Variants in CACNB2 observed in about 807,000 individuals in gnomAD.
CACNB2 encodes the protein voltage-dependent L-type calcium channel subunit beta-2.
CACNB2 carries 42 observed loss-of-function variants against 73.3 expected under a neutral mutation model. The ratio of observed to expected loss-of-function variants is 0.57; its 90% CI spans 0.45 to 0.74. The LOEUF is 0.74. CACNB2 is among the 30% of genes least tolerant of loss of function. CACNB2 has a pLI of 0.00. For synonymous variants in CACNB2, 348 were observed against 310.3 expected (o/e 1.12, Z -1.28); for missense variants, 940 against 853.0 (o/e 1.10, Z -1.27).
chr10:18,405,636 C>T (rs564974116), intron 3 of CACNB2, among the ~76,000 whole-genome samples: 1 of 152,186 alleles, frequency 6.6e-6, no homozygotes, highest in African/African-American at 2.4e-5. Context: ...GTTGGGAAAT[C>T]TGGATGTAGA....
At chr10:18,325,935 T>G (rs60859849) in intron 2 of CACNB2, among the ~76,000 whole-genome samples, 36,769 of 151,596 alleles carry the variant, frequency 0.24, 4,855 homozygotes, top group African/African-American at 0.34. Context: ...TGTAGAGATG[T>G]AATTCCTCCA....
At chr10:18,517,727 G>A (rs1369730201) in intron 7 of CACNB2, among the ~76,000 whole-genome samples, 1 of 152,070 alleles carries the variant, frequency 6.6e-6, no homozygotes, top group African/African-American at 2.4e-5. Context: ...CATGATTACT[G>A]TTTACTAAAA....
intron 3 of CACNB2, among the ~76,000 whole-genome samples, chr10:18,429,644 T>A: frequency 7.5e-6 from 1 of 132,718 alleles, no homozygotes; most frequent in Admixed American, 8.2e-5. Flanking sequence ...TTGGGCAACA[T>A]AGCAAGACTC....
At chr10:18,241,259 T>A (rs2036638859) in intron 2 of CACNB2, among the ~76,000 whole-genome samples, 1 of 152,148 alleles carries the variant, frequency 6.6e-6, no homozygotes, top group Admixed American at 6.6e-5. Flanking sequence ...GCACACATCC[T>A]TAACTTTGGC....
At chr10:18,412,669 T>C (rs757450346) in intron 3 of CACNB2, among the ~76,000 whole-genome samples, 2 of 152,262 alleles carry the variant, frequency 1.3e-5, no homozygotes, top group Non-Finnish European at 2.9e-5. Flanking sequence ...ACACAAAGTC[T>C]ACTTCTACTA....
At chr10:18,224,588 G>C (rs778279484) in intron 2 of CACNB2, among the ~76,000 whole-genome samples, 13 of 152,136 alleles carry the variant, frequency 8.5e-5, no homozygotes, top group Non-Finnish European at 1.6e-4. Context: ...CTTGGATCAG[G>C]TTAAGAAGCT....
intron 2 of CACNB2, among the ~76,000 whole-genome samples, chr10:18,245,249 T>C (rs949457904): frequency 3.3e-5 from 5 of 152,190 alleles, no homozygotes; most frequent in Non-Finnish European, 7.3e-5. Context: ...TCTATGTGTC[T>C]TTTTTGTGTG....
chr10:18,504,676 G>A (rs568716892), intron 5 of CACNB2, among the ~76,000 whole-genome samples: 4 of 142,866 alleles, frequency 2.8e-5, no homozygotes, highest in East Asian at 1.9e-4. Flanking sequence ...ACAGAGCCTC[G>A]CTCTGTCACC....
chr10:18,184,047 C>T (rs1409124890), intron 2 of CACNB2, among the ~76,000 whole-genome samples: 1 of 152,118 alleles, frequency 6.6e-6, no homozygotes, highest in Non-Finnish European at 1.5e-5. Context: ...AGTGCCCAGC[C>T]AAGGTTAGCT....
In CACNB2 at chr10:18,409,302, GA is replaced by G. The variant is rs11386791; in HGVS notation, c.333+7275del. On this transcript the variant is annotated intron_variant, in intron 3 of 13. Transcript: ENST00000324631. ...AACAAGAGGGAAACTCTGTCTCCAG[GA>G]AAAAAAAAAAAAAAAGTAGAGACAA... Among the ~76,000 whole-genome samples the G allele has an allele frequency of 6.6e-4, 91 of 137,862 alleles. 1 individual carries two copies. The highest frequency in any genetic ancestry group is 4.7e-3 in the South Asian group (20 of 4,278). The allele number at this position is 137,862 out of a possible 152,430, so 90.4% of individuals were successfully genotyped here. A position where few individuals can be genotyped will look rare whatever the true frequency, so the allele number is the denominator to read the frequency against.
intron 2 of CACNB2, among the ~76,000 whole-genome samples, chr10:18,216,594 T>A (rs35803482): frequency 0.67 from 101,167 of 151,806 alleles, 35,361 homozygotes; most frequent in Non-Finnish European, 0.79. Flanking sequence ...TGTAAAACAC[T>A]TGTTTTTCTT....
At chr10:18,438,485 G>T (rs1212889515) in intron 3 of CACNB2, among the ~76,000 whole-genome samples, 1 of 152,198 alleles carries the variant, frequency 6.6e-6, no homozygotes, top group Non-Finnish European at 1.5e-5. Flanking sequence ...TGGCAGTCAA[G>T]GCCCAACAGC....
At chr10:18,354,355 G>A (rs1189299324) in intron 2 of CACNB2, among the ~76,000 whole-genome samples, 1 of 152,034 alleles carries the variant, frequency 6.6e-6, no homozygotes, top group Non-Finnish European at 1.5e-5. Flanking sequence ...TTTCCACTGT[G>A]CCTGGTCCCA....
chr10:18,362,862 C>T (rs1295283089), intron 2 of CACNB2, among the ~76,000 whole-genome samples: 3 of 151,980 alleles, frequency 2.0e-5, no homozygotes, highest in Non-Finnish European at 2.9e-5. Flanking sequence ...GAGCTGAGAT[C>T]GCTGACACTG....
intron 2 of CACNB2, among the ~76,000 whole-genome samples, chr10:18,305,082 A>G (rs911377670): frequency 6.6e-6 from 1 of 152,246 alleles, no homozygotes; most frequent in African/African-American, 2.4e-5. Flanking sequence ...CAATTCTTCC[A>G]TGTTTCCACC....
intron 6 of CACNB2, among the ~76,000 whole-genome samples, chr10:18,508,888 C>G (rs994975632): frequency 6.6e-6 from 1 of 152,176 alleles, no homozygotes; most frequent in Non-Finnish European, 1.5e-5. Context: ...AAAGGAGGTG[C>G]TGCATTTTGA....
chr10:18,478,759 G>A (rs1259433406), intron 3 of CACNB2, among the ~76,000 whole-genome samples: 3 of 152,162 alleles, frequency 2.0e-5, no homozygotes, highest in Non-Finnish European at 2.9e-5. Flanking sequence ...ATGGATCCAG[G>A]AACAGAGATA....
intron 2 of CACNB2, chr10:18,401,069 A>C (rs374910593): frequency 6.2e-7 from 1 of 1,614,206 alleles, no homozygotes. Flanking sequence ...AAAAGAGCCA[A>C]GGGAGGAAGG....
At chr10:18,419,796 G>C (rs1420818293) in intron 3 of CACNB2, among the ~76,000 whole-genome samples, 1 of 152,146 alleles carries the variant, frequency 6.6e-6, no homozygotes, top group Non-Finnish European at 1.5e-5. Context: ...GGGTTATTAA[G>C]GTTAAGAATA....
Sources: allele counts gnomAD v4.1 joint callset (sites outside exome capture counted in the v4.1 genomes callset), GRCh38; gene constraint gnomAD v4.1.1; transcripts MANE v1.5; gene names NCBI Gene and HGNC (gene_info 2026-07-23, HGNC 2026-07-21).